CAMKMT: variants seen among roughly 807,000 people sequenced by gnomAD.
CAMKMT encodes calmodulin-lysine N-methyltransferase, also known as CaM KMT.
A neutral mutation model predicts 48.0 loss-of-function variants in CAMKMT; 53 were observed. The observed-to-expected ratio is 1.10, with a 90% CI of 0.89 to 1.39. CAMKMT has a LOEUF of 1.39. Ranked by LOEUF, CAMKMT falls within the 40% of genes most tolerant of loss-of-function variation. CAMKMT has a pLI of 0.00. For synonymous variants in CAMKMT, 165 were observed against 152.3 expected (o/e 1.08, Z -0.61); for missense variants, 428 against 402.7 (o/e 1.06, Z -0.54).
At chr2:44,376,436 A>T (rs1320030654) in intron 2 of CAMKMT, among the ~76,000 whole-genome samples, 1 of 151,054 alleles carries the variant, frequency 6.6e-6, no homozygotes, top group Admixed American at 6.6e-5. Flanking sequence ...AAAAAAAAAA[A>T]ATAGACACTG....
At chr2:44,504,949 A>G (rs550555025) in intron 3 of CAMKMT, among the ~76,000 whole-genome samples, 2 of 152,124 alleles carry the variant, frequency 1.3e-5, no homozygotes, top group African/African-American at 4.8e-5. Flanking sequence ...AGCTGCTTCC[A>G]CTCATGGCAG....
chr2:44,618,579 A>T lies in CAMKMT; in HGVS notation c.377-85704A>T, dbSNP rs995583522. Among the ~76,000 whole-genome samples the T allele has an allele frequency of 1.3e-5, 2 of 152,154 alleles. No individual in the cohort carries two copies. Among genetic ancestry groups the T allele is most frequent in the African/African-American group, 4.8e-5 (2 of 41,438 alleles). On this transcript the variant is annotated intron_variant, in intron 3 of 10. Transcript: ENST00000378494. The surrounding 1 kb of genome is among the most constrained non-coding windows in gnomAD (Gnocchi z 4.0). ...AATTAGCAGTCTTGAAATGATTCCA[A>T]CTGTCTCCTGACTTCTCACTGTTGC...
At chr2:44,727,869 A>G (rs1249151549) in intron 7 of CAMKMT, among the ~76,000 whole-genome samples, 1 of 152,086 alleles carries the variant, frequency 6.6e-6, no homozygotes, top group African/African-American at 2.4e-5. Context: ...AGATGATCAT[A>G]TGGTTTTTGC....
intron 1 of CAMKMT, among the ~76,000 whole-genome samples, chr2:44,369,471 A>G (rs776061926): frequency 6.6e-6 from 1 of 152,200 alleles, no homozygotes; most frequent in Non-Finnish European, 1.5e-5. Flanking sequence ...AAATGGGTTT[A>G]GCATAGTGAA....
intron 3 of CAMKMT, among the ~76,000 whole-genome samples, chr2:44,490,037 A>G (rs1558653226): frequency 2.0e-5 from 3 of 152,082 alleles, no homozygotes; most frequent in Non-Finnish European, 4.4e-5. Flanking sequence ...TATATGGGCA[A>G]TGTTTCACTG....
intron 3 of CAMKMT, among the ~76,000 whole-genome samples, chr2:44,522,511 C>T (rs1053260674): frequency 2.6e-5 from 4 of 152,178 alleles, no homozygotes; most frequent in Non-Finnish European, 5.9e-5. Context: ...ATTGTTATCA[C>T]AGGAGGTCTT....
chr2:44,716,640 G>A (rs538751518), intron 7 of CAMKMT, among the ~76,000 whole-genome samples: 10 of 152,254 alleles, frequency 6.6e-5, no homozygotes, highest in African/African-American at 1.7e-4. Context: ...AGGGTCTGCC[G>A]TTACCTGTGG....
Position 44,533,399 on chromosome 2 carries a change from C to T in CAMKMT, c.376+143094C>T, listed in dbSNP as rs569407758. Among the ~76,000 whole-genome samples the T allele has an allele frequency of 8.6e-5, 13 of 151,920 alleles. No individual in the cohort carries two copies. In the South Asian group the frequency reaches 2.7e-3, roughly 32 times the overall value. On this transcript the variant is annotated intron_variant, in intron 3 of 10. Transcript: ENST00000378494. ...GATTACAGGTGCCCACCACCACACC[C>T]AGCTGATTTTTGTATTTTTAGTAGA...
intron 3 of CAMKMT, among the ~76,000 whole-genome samples, chr2:44,633,508 C>A (rs1288773415): frequency 1.3e-5 from 2 of 152,096 alleles, no homozygotes; most frequent in African/African-American, 2.4e-5. Flanking sequence ...TCACTCTTAC[C>A]AATGTTTACA....
At chr2:44,689,109 G>A (rs1450564996) in intron 3 of CAMKMT, among the ~76,000 whole-genome samples, 2 of 152,080 alleles carry the variant, frequency 1.3e-5, no homozygotes, top group African/African-American at 2.4e-5. Context: ...TTGCTATTTT[G>A]GTATGCCCTG....
rs542379389 is a variant in CAMKMT, at chr2:44,362,655, T to A, written c.138+510T>A. On this transcript the variant is annotated intron_variant, in intron 1 of 10. Coordinates refer to ENST00000378494, the MANE Select transcript of CAMKMT (RefSeq NM_024766.5). ...TCGGCATCTTCCGTACAGCGGAGCG[T>A]GCAAGGAGTAGGAAAAGCTGATACC... 1.6e-4 allele frequency among the ~76,000 whole-genome samples: 24 copies of A among 152,324 alleles called. No homozygotes were observed. In the East Asian group the frequency reaches 4.4e-3, roughly 28 times the overall value.
At chr2:44,374,117 CAAAAAAAAA>C (rs59922847) in intron 2 of CAMKMT, among the ~76,000 whole-genome samples, 857 of 66,400 alleles carry the variant, frequency 0.013, 12 homozygotes, top group African/African-American at 0.046. Flanking sequence ...GACTCTGCCT[CAAAAAAAAA>C]AAAAAAAAAA....
intron 9 of CAMKMT, among the ~76,000 whole-genome samples, chr2:44,760,055 A>G (rs1680554167): frequency 6.6e-6 from 1 of 152,182 alleles, no homozygotes; most frequent in Admixed American, 6.5e-5. Flanking sequence ...AATGTGGGCT[A>G]GGAGAATGAA....
At chr2:44,362,763 A>G (rs1678064460) in intron 1 of CAMKMT, among the ~76,000 whole-genome samples, 2 of 152,232 alleles carry the variant, frequency 1.3e-5, no homozygotes, top group African/African-American at 4.8e-5. Flanking sequence ...AAGGTGGGCT[A>G]GTCAAAGTGT....
chr2:44,468,016 A>C (rs1459250120), intron 3 of CAMKMT, among the ~76,000 whole-genome samples: 2 of 152,214 alleles, frequency 1.3e-5, no homozygotes, highest in African/African-American at 4.8e-5. Flanking sequence ...GTATTATATA[A>C]AACTAAAAAG....
intron 3 of CAMKMT, among the ~76,000 whole-genome samples, chr2:44,698,917 G>A (rs1435024803): frequency 1.4e-4 from 21 of 152,338 alleles, no homozygotes; most frequent in Middle Eastern, 3.4e-3. Context: ...AATTTCGACA[G>A]TGTTCACAGC....
intron 2 of CAMKMT, among the ~76,000 whole-genome samples, chr2:44,379,401 G>A (rs1680017435): frequency 6.6e-6 from 1 of 152,094 alleles, no homozygotes; most frequent in South Asian, 2.1e-4. Context: ...GTGAACATAT[G>A]CTTTTAATTC....
intron 3 of CAMKMT, among the ~76,000 whole-genome samples, chr2:44,395,404 C>A (rs901917231): frequency 1.7e-4 from 26 of 151,992 alleles, no homozygotes; most frequent in Non-Finnish European, 1.9e-4. Flanking sequence ...TATGTGTATA[C>A]ATATGCATTA....
At chr2:44,522,780 A>G (rs1671186394) in intron 3 of CAMKMT, among the ~76,000 whole-genome samples, 1 of 152,188 alleles carries the variant, frequency 6.6e-6, no homozygotes, top group Non-Finnish European at 1.5e-5. Context: ...CATTACCTCT[A>G]AATTTTGTTT....
Sources: allele counts gnomAD v4.1 joint callset (sites outside exome capture counted in the v4.1 genomes callset), GRCh38; gene constraint gnomAD v4.1.1; non-coding constraint Gnocchi (gnomAD v3.1); transcripts MANE v1.5; gene names NCBI Gene and HGNC (gene_info 2026-07-23, HGNC 2026-07-21).